Variants in ADGRB3 observed in about 807,000 individuals in gnomAD.
The protein encoded by ADGRB3 is adhesion G protein-coupled receptor B3.
A neutral mutation model predicts 193.4 loss-of-function variants in ADGRB3; 37 were observed. The ratio of observed to expected loss-of-function variants is 0.19; its 90% CI spans 0.15 to 0.25. ADGRB3 has a LOEUF of 0.25. Ranked by LOEUF, ADGRB3 falls within the 10% of genes least tolerant of loss-of-function variation. The probability of loss-of-function intolerance (pLI) is 1.00; values close to 1 mark genes in which losing one functional copy is unlikely to be tolerated. For synonymous variants in ADGRB3, 690 were observed against 644.2 expected (o/e 1.07, Z -1.08); for missense variants, 1,637 against 1,852.9 (o/e 0.88, Z 2.14).
At chr6:69,207,348 G>A (rs1254979136) in intron 17 of ADGRB3, among the ~76,000 whole-genome samples, 2 of 152,162 alleles carry the variant, frequency 1.3e-5, no homozygotes, top group Non-Finnish European at 2.9e-5. Flanking sequence ...TGGGTCAGTT[G>A]ATAAATGTGC....
chr6:68,692,564 A>G (rs1222598034), intron 3 of ADGRB3, among the ~76,000 whole-genome samples: 4 of 151,964 alleles, frequency 2.6e-5, no homozygotes, highest in Non-Finnish European at 5.9e-5. Context: ...AAAATATACC[A>G]GGGGTTACTT....
chr6:68,870,420 A>G (rs964637971), intron 3 of ADGRB3, among the ~76,000 whole-genome samples: 7 of 152,232 alleles, frequency 4.6e-5, no homozygotes, highest in African/African-American at 1.7e-4. Context: ...GAGCTTGGAA[A>G]TACATTGGTC....
Position 69,373,972 on chromosome 6 carries a change from T to C in ADGRB3, c.4275+1531T>C, listed in dbSNP as rs190016564. Reference sequence around the variant, plus strand: ...TTCATCTATTCTCTATGGCAACTGGTAGCAGATTCCTTAAGCTGATACTTA... The same window carrying C: ...TTCATCTATTCTCTATGGCAACTGGCAGCAGATTCCTTAAGCTGATACTTA... On this transcript the variant is annotated intron_variant, in intron 30 of 31. Coordinates refer to ENST00000370598, the MANE Select transcript of ADGRB3 (RefSeq NM_001704.3). Among the ~76,000 whole-genome samples the C allele has an allele frequency of 3.3e-5, 5 of 152,248 alleles. No homozygotes were observed. In the East Asian group the frequency reaches 9.7e-4, roughly 29 times the overall value.
intron 17 of ADGRB3, among the ~76,000 whole-genome samples, chr6:69,104,371 G>GT (rs1344328641): frequency 1.3e-5 from 2 of 150,950 alleles, no homozygotes; most frequent in East Asian, 2.0e-4. Context: ...TGAACTCATC[G>GT]TTTTCTATGG....
At chr6:69,021,843 C>T (rs1356511164) in intron 13 of ADGRB3, among the ~76,000 whole-genome samples, 1 of 151,756 alleles carries the variant, frequency 6.6e-6, no homozygotes, top group Non-Finnish European at 1.5e-5. Context: ...ATGAAATGCT[C>T]TTATATGATA....
chr6:68,838,599 A>G (rs1371821476), intron 3 of ADGRB3, among the ~76,000 whole-genome samples: 1 of 152,202 alleles, frequency 6.6e-6, no homozygotes, highest in East Asian at 1.9e-4. Context: ...AGCAAAATAA[A>G]TTGTTGTAGC....
At chr6:69,252,100 T>C (rs1386504945) in intron 20 of ADGRB3, among the ~76,000 whole-genome samples, 2 of 152,178 alleles carry the variant, frequency 1.3e-5, no homozygotes, top group African/African-American at 4.8e-5. Context: ...TTCTGATTCC[T>C]GTCATCGTGA....
At chr6:69,201,575 C>T (rs1018716709) in intron 17 of ADGRB3, among the ~76,000 whole-genome samples, 1 of 152,034 alleles carries the variant, frequency 6.6e-6, no homozygotes, top group Non-Finnish European at 1.5e-5. Context: ...TATATACTTA[C>T]ATTTTATTGA....
intron 3 of ADGRB3, among the ~76,000 whole-genome samples, chr6:68,669,604 TTGTGTGTGTGTGTGTGTGTGTG>T (rs59849376): frequency 2.2e-5 from 3 of 134,752 alleles, no homozygotes; most frequent in African/African-American, 8.3e-5. Context: ...TAATACTCCA[TTGTGTGTGTGTGTGTGTGTGTG>T]TGTGTGTGTG....
chr6:69,049,297 C>A lies in ADGRB3; in HGVS notation c.2284C>A (p.Leu762Ile), dbSNP rs142662373. The change falls in exon 15 of 32, where the codon CTT becomes ATT. Residue 762 changes from leucine to isoleucine, a missense_variant. By Grantham distance (5) the Leu-to-Ile change is conservative (BLOSUM62 2). This residue lies in a region of ADGRB3 where 641 missense variants were observed against 673.9 expected (regional missense o/e 0.95). Coordinates refer to ENST00000370598, the MANE Select transcript of ADGRB3 (RefSeq NM_001704.3). ...KELDESSVFV[L>I]GAVLYKNLDL... is the part of the protein sequence containing the mutation. ...ATTAGATGAATCATCTGTATTTGTTCTTGGCGCAGTCCTATACAAAAACTT... is the reference window on the plus strand; with the variant it reads ...ATTAGATGAATCATCTGTATTTGTTATTGGCGCAGTCCTATACAAAAACTT... 1 of 1,608,156 alleles carries A rather than the reference C, an allele frequency of 6.2e-7. No homozygotes were observed. Among genetic ancestry groups the A allele is most frequent in the Non-Finnish European group, 8.5e-7 (1 of 1,176,748 alleles).
intron 17 of ADGRB3, among the ~76,000 whole-genome samples, chr6:69,214,923 G>T (rs1298259629): frequency 6.6e-6 from 1 of 151,836 alleles, no homozygotes; most frequent in Non-Finnish European, 1.5e-5. Context: ...ATCTAGTGAG[G>T]AACAAGACCT....
At chr6:68,992,011 C>A (rs539606963) in intron 10 of ADGRB3, among the ~76,000 whole-genome samples, 1 of 152,016 alleles carries the variant, frequency 6.6e-6, no homozygotes, top group Non-Finnish European at 1.5e-5. Context: ...TTCACTGCAA[C>A]AAAATTTTGC....
chr6:68,993,566 A>G (rs988031314), intron 10 of ADGRB3, among the ~76,000 whole-genome samples: 10 of 152,206 alleles, frequency 6.6e-5, no homozygotes, highest in Non-Finnish European at 1.5e-4. Flanking sequence ...GCCGAAAAGT[A>G]TACACTCATT....
At chr6:69,127,645 T>C (rs766985061) in intron 17 of ADGRB3, among the ~76,000 whole-genome samples, 3 of 152,204 alleles carry the variant, frequency 2.0e-5, no homozygotes, top group Admixed American at 6.5e-5. Flanking sequence ...TTGGTGAGTA[T>C]TCAAATAAAA....
intron 6 of ADGRB3, among the ~76,000 whole-genome samples, chr6:68,949,988 G>A (rs1331432299): frequency 6.6e-6 from 1 of 151,510 alleles, no homozygotes; most frequent in Admixed American, 6.6e-5. Flanking sequence ...TTCCTTCTAT[G>A]TAGTTTAGTA....
chr6:68,963,026 C>A (rs1768278039), intron 8 of ADGRB3, among the ~76,000 whole-genome samples: 1 of 152,110 alleles, frequency 6.6e-6, no homozygotes, highest in Non-Finnish European at 1.5e-5. Context: ...TCTTTGATCA[C>A]CAGATCCTCT....
intron 3 of ADGRB3, among the ~76,000 whole-genome samples, chr6:68,697,464 T>A (rs1336097355): frequency 6.6e-6 from 1 of 151,964 alleles, no homozygotes; most frequent in Admixed American, 6.6e-5. Context: ...TTGTGCTGGA[T>A]TTCTTTGTTC....
rs944978158 is a variant in ADGRB3 at position 69,319,492 on chromosome 6, T to A, written c.2815-5380T>A. ...ATTTATTGCATTATAATCATCAATA[T>A]TATTATTTCCTCCATTTTTGGTTAC... On this transcript the variant is annotated intron_variant, in intron 20 of 31. Coordinates refer to ENST00000370598, the MANE Select transcript of ADGRB3 (RefSeq NM_001704.3). 9.9e-5 allele frequency among the ~76,000 whole-genome samples: 15 copies of A among 151,464 alleles called. No homozygotes were observed. In the South Asian group the frequency reaches 2.7e-3, roughly 27 times the overall value.
At chr6:68,689,009 A>C (rs893731779) in intron 3 of ADGRB3, among the ~76,000 whole-genome samples, 12 of 151,990 alleles carry the variant, frequency 7.9e-5, no homozygotes, top group Non-Finnish European at 4.4e-5. Flanking sequence ...ACACCCTCCA[A>C]GGGTTTACCT....
Sources: gnomAD v4.1 joint callset for allele counts (sites outside exome capture counted in the v4.1 genomes callset) on GRCh38, gnomAD v4.1.1 for gene constraint, gnomAD v4.1.1 regional missense constraint, MANE v1.5 for transcripts, NCBI Gene and HGNC (gene_info 2026-07-23, HGNC 2026-07-21) for gene names.